The following CEP131 variants were observed in gnomAD, a reference collection of about 807,000 sequenced individuals.
The protein encoded by CEP131 is centrosomal protein 131.
CEP131 carries 99 observed loss-of-function variants against 136.8 expected under a neutral mutation model. The observed-to-expected ratio is 0.72, with a 90% CI of 0.62 to 0.86. The LOEUF (loss-of-function observed/expected upper bound fraction) is 0.86. CEP131 is among the 40% of genes least tolerant of loss of function. CEP131 has a pLI of 0.00. For missense variants in CEP131, 1,459 were observed against 1,463.0 expected (o/e 1.00, Z 0.04); for synonymous variants, 646 against 612.7 (o/e 1.05, Z -0.80).
intron 24 of CEP131, 69 bp from the exon 25 acceptor site, chr17:81,190,044 C>G: frequency 1.4e-6 from 2 of 1,434,468 alleles, no homozygotes; most frequent in Non-Finnish European, 1.9e-6. Flanking sequence ...CTGCAGTGCA[C>G]AGGGTGCACG....
intron 5 of CEP131, among the ~76,000 whole-genome samples, chr17:81,205,814 T>C (rs2061997159): frequency 6.6e-6 from 1 of 152,036 alleles, no homozygotes; most frequent in South Asian, 2.1e-4. Flanking sequence ...GGGGAGGATC[T>C]CTTGAGCCCA....
intron 2 of CEP131, among the ~76,000 whole-genome samples, chr17:81,209,532 T>G (rs116549305): frequency 0.027 from 4,077 of 149,352 alleles, 124 homozygotes; most frequent in African/African-American, 0.056. Context: ...TGGAAAGGGG[T>G]GGAGGGGAGG....
intron 1 of CEP131, among the ~76,000 whole-genome samples, chr17:81,221,002 G>A (rs971272925): frequency 1.3e-5 from 2 of 151,136 alleles, no homozygotes; most frequent in Admixed American, 6.6e-5. Context: ...GCGAGCGCCT[G>A]TAATCCCAAC....
chr17:81,207,133 T>G lies in CEP131; in HGVS notation c.379A>C (p.Asn127His). 1.2e-6 allele frequency: 2 copies of G among 1,612,402 alleles called. No individual in the cohort carries two copies. The highest frequency in any genetic ancestry group is 1.7e-6 in the Non-Finnish European group (2 of 1,179,594). The change falls in exon 4 of 26, where the codon AAC (asparagine) becomes CAC (histidine). Residue 127 changes from asparagine (N) to histidine (H), a missense_variant. Physicochemically the swap from Asn to His is moderately conservative, Grantham distance 68 (BLOSUM62 1). This residue lies in a region of CEP131 where 187 missense variants were observed against 179.9 expected (regional missense o/e 1.04). Transcript: ENST00000450824. ...CGCATGCACCACCTTACCAGGACGT[T>G]CCAGGTGGCTCCCTTCTCGCTGGGG... is the stretch of plus-strand genomic sequence containing the variant. ...TAPSEKGATW[N>H]VLDDQPRGFT... is the part of the protein sequence containing the mutation.
Position 81,189,652 on chromosome 17 carries a change from G to A in CEP131, c.*117C>T, listed in dbSNP as rs1403146202. 11 of 1,057,830 alleles carry A rather than the reference G, an allele frequency of 1.0e-5. No homozygotes were observed. Among genetic ancestry groups the A allele is most frequent in the Non-Finnish European group, 1.5e-5 (11 of 734,242 alleles). 65.5% of individuals were successfully genotyped at this position (1,057,830 alleles called of 1,614,324 possible). On this transcript the variant is annotated 3_prime_UTR_variant, in exon 26 of 26. Transcript: ENST00000450824. ...TGCAGCCACAGGTGCTTAGCCGTGG[G>A]CATCTCAACCACCAGCCTCTGTGGG...
At chr17:81,221,144 A>C (rs2062380188) in intron 1 of CEP131, among the ~76,000 whole-genome samples, 2 of 151,404 alleles carry the variant, frequency 1.3e-5, no homozygotes, top group South Asian at 2.1e-4. Context: ...AAAAAAAAAA[A>C]AACGCGGGAG....
intron 18 of CEP131, 39 bp from the exon 19 acceptor site, chr17:81,192,882 G>C: frequency 6.3e-7 from 1 of 1,577,026 alleles, no homozygotes; most frequent in Non-Finnish European, 8.5e-7. Flanking sequence ...GGGCCGGGAC[G>C]GGCGGTCCCA....
intron 2 of CEP131, among the ~76,000 whole-genome samples, chr17:81,209,517 G>T (rs2062086700): frequency 6.6e-6 from 1 of 152,254 alleles, no homozygotes; most frequent in Non-Finnish European, 1.5e-5. Flanking sequence ...GCGGTTCCAG[G>T]TCCGTGGAAA....
intron 2 of CEP131, among the ~76,000 whole-genome samples, chr17:81,213,001 G>A (rs372125097): frequency 5.3e-5 from 8 of 152,250 alleles, no homozygotes; most frequent in South Asian, 2.1e-4. Flanking sequence ...AAAAAGAACC[G>A]GGGCTTCTTG....
chr17:81,196,661 C>T (rs746932912), intron 15 of CEP131, 40 bp downstream of exon 15: 15 of 1,580,054 alleles, frequency 9.5e-6, no homozygotes, highest in Admixed American at 1.8e-5. Context: ...CCATGAGCCA[C>T]GCGCTGGGTC....
rs73356059 is a variant in CEP131, at chr17:81,219,857, G to T, written c.177+23C>A. On this transcript the variant is annotated intron_variant, in intron 2 of 25. Coordinates refer to ENST00000450824, the MANE Select transcript of CEP131 (RefSeq NM_014984.4). This position sits in a 1 kb window ranked among gnomAD's most constrained non-coding sequence, Gnocchi z 4.0. ...CAGCCCTCCAGGAGGCAGGGGCCCG[G>T]ACTCCTAGGCCACAGTACTCACCAG... The T allele has an allele frequency of 0.029, 43,846 of 1,538,244 alleles. 1,815 individuals carry two copies. The highest frequency in any genetic ancestry group is 0.2 in the African/African-American group (14,385 of 71,674).
Position 81,221,124 on chromosome 17 carries a change from CAAAAAAAAAA to C in CEP131, c.-17-1061_-17-1052del, listed in dbSNP as rs760838378. Among the ~76,000 whole-genome samples the C allele has an allele frequency of 1.1e-4, 6 of 53,874 alleles. No homozygotes were observed. The South Asian group carries it at 5.2e-3, about 47-fold the overall frequency. 35.3% of individuals were successfully genotyped at this position (53,874 alleles called of 152,430 possible). A position where few individuals can be genotyped will look rare whatever the true frequency, so the allele number is the denominator to read the frequency against. ...TGGGCAACATAGCGAGACTCCATCT[CAAAAAAAAAA>C]AAAAAAAAAAAACGCGGGAGTGGTT... is the stretch of plus-strand genomic sequence containing the variant. On this transcript the variant is annotated intron_variant, in intron 1 of 25. Coordinates refer to ENST00000450824, the MANE Select transcript of CEP131 (RefSeq NM_014984.4).
rs2061615599 is a variant in CEP131, at chr17:81,190,601, C to T, written c.3107+38G>A. The T allele has an allele frequency of 2.6e-6, 4 of 1,514,556 alleles. No individual in the cohort carries two copies. The African/African-American group carries it at 5.5e-5, about 21-fold the overall frequency. 93.8% of individuals were successfully genotyped at this position (1,514,556 alleles called of 1,614,324 possible). On this transcript the variant is annotated intron_variant, in intron 24 of 25. Coordinates refer to ENST00000450824, the MANE Select transcript of CEP131 (RefSeq NM_014984.4). ...CAGAGGTCCTGCCCGCTCCCCTGCC[C>T]CGCCTCCGTCTCCAGCCCTGCAGCC...
At chr17:81,210,055 G>A (rs1335436841) in intron 2 of CEP131, among the ~76,000 whole-genome samples, 3 of 89,624 alleles carry the variant, frequency 3.3e-5, no homozygotes, top group African/African-American at 1.3e-4. Flanking sequence ...CGCTAAGCGA[G>A]GATCAGAGCG....
rs2062325987 is a variant in CEP131, at chr17:81,219,145, C to A, written c.177+735G>T. On this transcript the variant is annotated intron_variant, in intron 2 of 25. Coordinates refer to ENST00000450824, the MANE Select transcript of CEP131 (RefSeq NM_014984.4). This position sits in a 1 kb window ranked among gnomAD's most constrained non-coding sequence, Gnocchi z 4.0. Reference sequence around the variant, plus strand: ...CCCCATCTGGGAACCACCCACCCTCCTCCCTACTCCCAGAGGTGGGCAGGA... The same window carrying A: ...CCCCATCTGGGAACCACCCACCCTCATCCCTACTCCCAGAGGTGGGCAGGA... 6.6e-6 allele frequency among the ~76,000 whole-genome samples: 1 copy of A among 152,202 alleles called. No individual in the cohort carries two copies. The highest frequency in any genetic ancestry group is 1.5e-5 in the Non-Finnish European group (1 of 68,026).
At chr17:81,212,687 C>A (rs2062160497) in intron 2 of CEP131, among the ~76,000 whole-genome samples, 1 of 152,134 alleles carries the variant, frequency 6.6e-6, no homozygotes, top group African/African-American at 2.4e-5. Flanking sequence ...ACACACCTTA[C>A]ACACACACAG....
Position 81,189,985 on chromosome 17 carries a change from G to C in CEP131, c.3108-10C>G, listed in dbSNP as rs1390856052. ...GAGGGCTGTCTTCACCCTGTGGGTAGTACATGGTAGGCTTCAGTGTGGCCC... is the reference window on the plus strand; with the variant it reads ...GAGGGCTGTCTTCACCCTGTGGGTACTACATGGTAGGCTTCAGTGTGGCCC... On this transcript the variant is annotated splice_polypyrimidine_tract_variant and intron_variant, in intron 24 of 25. Coordinates refer to ENST00000450824, the MANE Select transcript of CEP131 (RefSeq NM_014984.4). 1.2e-6 allele frequency: 2 copies of C among 1,600,200 alleles called. No individual in the cohort carries two copies. The highest frequency in any genetic ancestry group is 1.1e-5 in the South Asian group (1 of 90,116).
chr17:81,217,929 T>C (rs1376396029), intron 2 of CEP131, among the ~76,000 whole-genome samples: 1 of 152,084 alleles, frequency 6.6e-6, no homozygotes, highest in Non-Finnish European at 1.5e-5. Context: ...CGAAAGACCA[T>C]CTACTAGAAA....
At chr17:81,193,304 C>T (rs985848339) in intron 18 of CEP131, among the ~76,000 whole-genome samples, 3 of 152,214 alleles carry the variant, frequency 2.0e-5, no homozygotes, top group Admixed American at 1.3e-4. Context: ...ACCCCACCTT[C>T]GAGGAGAGAC....
Sources: gnomAD v4.1 joint callset for allele counts (sites outside exome capture counted in the v4.1 genomes callset) on GRCh38, gnomAD v4.1.1 for gene constraint, gnomAD v4.1.1 regional missense constraint, Gnocchi (gnomAD v3.1) non-coding constraint, MANE v1.5 for transcripts, NCBI Gene and HGNC (gene_info 2026-07-23, HGNC 2026-07-21) for gene names.